Variants in NALCN observed in about 807,000 individuals in gnomAD.
NALCN encodes the protein sodium leak channel NALCN.
A neutral mutation model predicts 225.3 loss-of-function variants in NALCN; 111 were observed. The observed-to-expected ratio is 0.49, with a 90% CI of 0.42 to 0.58. The LOEUF is 0.58. NALCN is among the 20% of genes least tolerant of loss of function. The probability of loss-of-function intolerance (pLI) is 0.00; values close to 1 mark genes in which losing one functional copy is unlikely to be tolerated. For synonymous variants in NALCN, 764 were observed against 769.0 expected, an observed-to-expected ratio of 0.99 and a Z score of 0.11; for missense variants, 1,378 against 2,202.4, an observed-to-expected ratio of 0.63 and a Z score of 7.49.
chr13:101,103,412 T>C, intron 25 of NALCN, 73 bp from the exon 26 acceptor site: 2 of 1,498,796 alleles, frequency 1.3e-6, no homozygotes, highest in Non-Finnish European at 1.8e-6. Flanking sequence ...GACAGCCGAC[T>C]GGCCACAACT....
rs536541985 is a variant in NALCN at position 101,341,587 on chromosome 13, T to C, written c.799+3679A>G. 7.7e-4 allele frequency among the ~76,000 whole-genome samples: 117 copies of C among 152,256 alleles called. 1 individual carries two copies. The highest frequency in any genetic ancestry group is 1.9e-3 in the Admixed American group (29 of 15,296). On this transcript the variant is annotated intron_variant, in intron 7 of 43. Transcript: ENST00000251127. Reference sequence around the variant, plus strand: ...TTTCCTACTAAGCTTTTATGAGTTATATATCATGATTTTTTTTCAGTTTTA... The same window carrying C: ...TTTCCTACTAAGCTTTTATGAGTTACATATCATGATTTTTTTTCAGTTTTA...
intron 14 of NALCN, chr13:101,181,116 T>C (rs749451368): frequency 3.9e-6 from 2 of 518,870 alleles, no homozygotes; most frequent in Non-Finnish European, 7.7e-6. Context: ...TGTGAGACAA[T>C]GACAGAGAGC....
intron 27 of NALCN, among the ~76,000 whole-genome samples, chr13:101,098,887 A>C (rs1481437539): frequency 6.6e-6 from 1 of 151,936 alleles, no homozygotes; most frequent in African/African-American, 2.4e-5. Flanking sequence ...GGTGCTCTCT[A>C]TGATGGCTGA....
Position 101,237,910 on chromosome 13 carries a change from C to T in NALCN, c.1279G>A (p.Val427Ile). Reference sequence around the variant, plus strand: ...AGAAGTGCTTCCAAATCAAAAAGTACTGTAAAAGCCACCTAGAGAAACAAA... The same window carrying T: ...AGAAGTGCTTCCAAATCAAAAAGTATTGTAAAAGCCACCTAGAGAAACAAA... Reference protein sequence around the residue: ...EFYLAEVAFTVLFDLEALLKI... With the variant: ...EFYLAEVAFTILFDLEALLKI... Residue 427 changes from valine to isoleucine, a missense_variant, in exon 12 of 44, where the codon GTA (valine) becomes ATA (isoleucine). Coordinates refer to ENST00000251127, the MANE Select transcript of NALCN (RefSeq NM_052867.4). 1.2e-6 allele frequency: 2 copies of T among 1,603,156 alleles called. No individual in the cohort carries two copies. The highest frequency in any genetic ancestry group is 1.7e-6 in the Non-Finnish European group (2 of 1,175,760).
chr13:101,111,201 T>C lies in NALCN; in HGVS notation c.2218A>G (p.Ser740Gly), dbSNP rs760226043. ...GCGGGCTGCCCCTCAAATGATCCGC[T>C]CAGCATGCGCTGTCGGGTGCAAGCT... The part of the protein sequence containing the change: ...LRACTRQRML[S>G]GSFEGQPAKE... Residue 740 changes from serine to glycine, a missense_variant, in exon 19 of 44, where the codon AGC (serine) becomes GGC (glycine). Physicochemically the swap from Ser to Gly is moderately conservative, Grantham distance 56. This residue lies in a region of NALCN where 66 missense variants were observed against 85.7 expected (regional missense o/e 0.77). Coordinates refer to ENST00000251127, the MANE Select transcript of NALCN (RefSeq NM_052867.4). 1 of 1,604,626 alleles carries C rather than the reference T, an allele frequency of 6.2e-7. No homozygotes were observed. The highest frequency in any genetic ancestry group is 1.1e-5 in the South Asian group (1 of 90,506).
intron 10 of NALCN, among the ~76,000 whole-genome samples, chr13:101,275,677 G>T (rs919669772): frequency 1.2e-4 from 19 of 152,116 alleles, no homozygotes; most frequent in Non-Finnish European, 2.4e-4. Flanking sequence ...GAAGAAGGGA[G>T]AGGTGAGGAG....
At position 101,243,021 on chromosome 13, in the gene NALCN, G is replaced by T. The variant is rs181418025; in HGVS notation, c.1267-5099C>A. 1.5e-3 allele frequency among the ~76,000 whole-genome samples: 152 copies of T among 103,752 alleles called. 46 individuals are homozygous for T. The highest frequency in any genetic ancestry group is 5.1e-3 in the African/African-American group (149 of 29,010). The allele number at this position is 103,752 out of a possible 152,430, so 68.1% of individuals were successfully genotyped here. A position where few individuals can be genotyped will look rare whatever the true frequency, so the allele number is the denominator to read the frequency against. On this transcript the variant is annotated intron_variant, in intron 11 of 43. Coordinates refer to ENST00000251127, the MANE Select transcript of NALCN (RefSeq NM_052867.4). ...GCTTGCAACCTAGGAAGGTCACCAG[G>T]ACATGAGTAAGCATCTATTTTCATT...
intron 40 of NALCN, among the ~76,000 whole-genome samples, chr13:101,065,185 C>T (rs967251005): frequency 6.6e-6 from 1 of 152,170 alleles, no homozygotes; most frequent in Non-Finnish European, 1.5e-5. Flanking sequence ...AGGGCACAGC[C>T]GCCCAGCCCT....
At position 101,258,460 on chromosome 13, in the gene NALCN, C is replaced by T. The variant is rs371226606; in HGVS notation, c.1249G>A (p.Glu417Lys). The change falls in exon 11 of 44, where the codon GAG becomes AAG. Residue 417 changes from glutamate (E) to lysine (K), a missense_variant. Coordinates refer to ENST00000251127, the MANE Select transcript of NALCN (RefSeq NM_052867.4). ...KGENFRRQYDEFYLAEVAFTV... is the reference protein window; with the variant it reads ...KGENFRRQYDKFYLAEVAFTV... ...CTGCTTACCTCCGCCAGGTAGAACT[C>T]GTCGTACTGCCTCCTGAAGTTTTCT... 4.3e-6 allele frequency: 7 copies of T among 1,614,140 alleles called. No homozygotes were observed. Among genetic ancestry groups the T allele is most frequent in the African/African-American group, 1.3e-5 (1 of 75,060 alleles).
chr13:101,128,949 T>C (rs1466410957), intron 17 of NALCN, among the ~76,000 whole-genome samples: 1 of 152,166 alleles, frequency 6.6e-6, no homozygotes, highest in Non-Finnish European at 1.5e-5. Flanking sequence ...AATCGGCAGC[T>C]GGATCCAGAG....
chr13:101,061,745 A>C (rs563131368), intron 41 of NALCN, among the ~76,000 whole-genome samples: 7 of 152,292 alleles, frequency 4.6e-5, no homozygotes, highest in African/African-American at 1.4e-4. Context: ...GGAAACTCCT[A>C]ATGGACTCTG....
intron 1 of NALCN, among the ~76,000 whole-genome samples, chr13:101,411,533 A>G (rs1201487832): frequency 1.3e-5 from 2 of 151,774 alleles, no homozygotes; most frequent in Admixed American, 6.6e-5. Context: ...TATTTTTAGC[A>G]GGGACGGGGT....
intron 15 of NALCN, among the ~76,000 whole-genome samples, chr13:101,153,943 G>C (rs1394133288): frequency 6.6e-6 from 1 of 152,124 alleles, no homozygotes; most frequent in East Asian, 1.9e-4. Context: ...CTGTAGGTCT[G>C]TGCCCCCCTC....
At chr13:101,160,398 G>A (rs937784699) in intron 15 of NALCN, among the ~76,000 whole-genome samples, 4 of 152,140 alleles carry the variant, frequency 2.6e-5, no homozygotes, top group Non-Finnish European at 4.4e-5. Flanking sequence ...ATATGAAGGT[G>A]TAACTGACCA....
chr13:101,228,331 T>C (rs1017847094), intron 13 of NALCN, among the ~76,000 whole-genome samples: 1 of 152,180 alleles, frequency 6.6e-6, no homozygotes, highest in East Asian at 1.9e-4. Context: ...TAAAAATATA[T>C]GTTGTTTTTA....
intron 34 of NALCN, among the ~76,000 whole-genome samples, chr13:101,077,038 G>A (rs2033301895): frequency 6.6e-6 from 1 of 152,014 alleles, no homozygotes; most frequent in Middle Eastern, 3.2e-3. Flanking sequence ...TGATGATTAA[G>A]TCTCACCAGG....
chr13:101,251,290 T>C (rs1161466613), intron 11 of NALCN, among the ~76,000 whole-genome samples: 1 of 152,074 alleles, frequency 6.6e-6, no homozygotes, highest in Non-Finnish European at 1.5e-5. Context: ...TCAATCGACA[T>C]GAATCAATTT....
At chr13:101,066,308 C>CAA (rs72260451) in intron 39 of NALCN, among the ~76,000 whole-genome samples, 11,546 of 124,944 alleles carry the variant, frequency 0.092, 1,025 homozygotes, top group African/African-American at 0.23. Context: ...GACTCCATCT[C>CAA]AAAAAAAAAA....
At chr13:101,143,059 A>T in intron 17 of NALCN, 21 bp downstream of exon 17, 1 of 1,614,074 alleles carries the variant, frequency 6.2e-7, no homozygotes, top group Non-Finnish European at 8.5e-7. Flanking sequence ...AAGCCTGGTT[A>T]TTCGAAACAG....
Sources: allele counts gnomAD v4.1 joint callset (sites outside exome capture counted in the v4.1 genomes callset), GRCh38; gene constraint gnomAD v4.1.1; regional missense constraint gnomAD v4.1.1; transcripts MANE v1.5; gene names NCBI Gene and HGNC (gene_info 2026-07-23, HGNC 2026-07-21).